SGCZ: variants seen among roughly 807,000 people sequenced by gnomAD.
SGCZ encodes the protein zeta-sarcoglycan.
In SGCZ, 40 loss-of-function variants were observed where a neutral mutation model predicts 41.3. The ratio of observed to expected loss-of-function variants is 0.97; its 90% CI spans 0.75 to 1.26. The LOEUF is 1.26. Among genes scored for constraint, SGCZ ranks in the 50% most tolerant of loss-of-function variants. The probability of loss-of-function intolerance (pLI) is 0.00; values close to 1 mark genes in which losing one functional copy is unlikely to be tolerated. For missense variants in SGCZ, 552 were observed against 369.8 expected (o/e 1.49, Z -4.04); for synonymous variants, 206 against 137.5 (o/e 1.50, Z -3.49).
intron 1 of SGCZ, among the ~76,000 whole-genome samples, chr8:14,746,748 T>C (rs1023380828): frequency 6.6e-6 from 1 of 152,164 alleles, no homozygotes; most frequent in African/African-American, 2.4e-5. Flanking sequence ...AAATGTAAAA[T>C]AGAACATTGG....
intron 2 of SGCZ, among the ~76,000 whole-genome samples, chr8:14,539,865 G>C (rs546475783): frequency 5.4e-4 from 82 of 152,072 alleles, no homozygotes; most frequent in African/African-American, 1.8e-3. Flanking sequence ...CTGGAATGCA[G>C]AGATGTCAGA....
At chr8:14,103,769 C>T (rs1024322956) in intron 6 of SGCZ, among the ~76,000 whole-genome samples, 12 of 151,750 alleles carry the variant, frequency 7.9e-5, no homozygotes, top group African/African-American at 2.4e-4. Context: ...TTTTAAGAAA[C>T]GTCTGTATTT....
At chr8:14,102,248 A>C in intron 7 of SGCZ, 128 bp downstream of exon 7, 1 of 1,083,618 alleles carries the variant, frequency 9.2e-7, no homozygotes, top group East Asian at 3.0e-5. Flanking sequence ...TTACTTTCCT[A>C]AGTTACAACT....
intron 1 of SGCZ, among the ~76,000 whole-genome samples, chr8:14,628,109 A>G (rs1806522793): frequency 6.6e-6 from 1 of 152,064 alleles, no homozygotes; most frequent in African/African-American, 2.4e-5. Context: ...CATGAAATTA[A>G]GATTGCAGGT....
intron 1 of SGCZ, among the ~76,000 whole-genome samples, chr8:14,819,915 C>A (rs915489463): frequency 6.6e-6 from 1 of 151,854 alleles, no homozygotes; most frequent in Non-Finnish European, 1.5e-5. Context: ...AGAAAACCAC[C>A]AAACTACTAA....
At chr8:14,453,268 T>C (rs1468520470) in intron 2 of SGCZ, among the ~76,000 whole-genome samples, 1 of 152,176 alleles carries the variant, frequency 6.6e-6, no homozygotes, top group East Asian at 1.9e-4. Context: ...TCTGAAGCTC[T>C]GTCTAACATT....
At chr8:14,988,912 G>A (rs905031808) in intron 1 of SGCZ, among the ~76,000 whole-genome samples, 1 of 152,096 alleles carries the variant, frequency 6.6e-6, no homozygotes, top group African/African-American at 2.4e-5. Context: ...TTGTGGGGAG[G>A]GGGGGCATTG....
intron 1 of SGCZ, among the ~76,000 whole-genome samples, chr8:14,839,284 C>T (rs748993269): frequency 4.6e-5 from 7 of 152,132 alleles, no homozygotes; most frequent in East Asian, 3.9e-4. Context: ...AAAGTGTTTA[C>T]GCAATGAGTA....
intron 1 of SGCZ, among the ~76,000 whole-genome samples, chr8:14,733,801 T>C (rs534800583): frequency 6.6e-6 from 1 of 152,186 alleles, no homozygotes; most frequent in Non-Finnish European, 1.5e-5. Flanking sequence ...TTTAACTCAG[T>C]TGTAAAAGGT....
At position 14,710,104 on chromosome 8, in the gene SGCZ, C is replaced by T. The variant is rs187381876; in HGVS notation, c.40-155178G>A. On this transcript the variant is annotated intron_variant, in intron 1 of 7. Coordinates refer to ENST00000382080, the MANE Select transcript of SGCZ (RefSeq NM_139167.4). The stretch of plus-strand genomic sequence containing the variant: ...TTAATGGGCCAGGCGCGGTGGCTCA[C>T]GCCTGTAATCCCAGCACTCTGGGAG... Among the ~76,000 whole-genome samples the T allele has an allele frequency of 1.4e-3, 207 of 152,168 alleles. 1 individual carries two copies. The highest frequency in any genetic ancestry group is 6.8e-3 in the Middle Eastern group (2 of 294).
At chr8:14,394,034 T>A (rs984882176) in intron 2 of SGCZ, among the ~76,000 whole-genome samples, 2 of 152,096 alleles carry the variant, frequency 1.3e-5, no homozygotes, top group African/African-American at 2.4e-5. Context: ...TATCCTTAAA[T>A]GATGAGTTTT....
intron 4 of SGCZ, among the ~76,000 whole-genome samples, chr8:14,196,330 C>T (rs542331142): frequency 6.7e-6 from 1 of 150,328 alleles, no homozygotes; most frequent in East Asian, 1.9e-4. Flanking sequence ...ATGGTGTGAT[C>T]TCCTGTCACA....
intron 2 of SGCZ, among the ~76,000 whole-genome samples, chr8:14,428,743 C>T (rs373285465): frequency 6.6e-5 from 10 of 152,298 alleles, no homozygotes; most frequent in African/African-American, 2.2e-4. Flanking sequence ...TCTGGTAGTT[C>T]ATACATAGAG....
At chr8:14,980,164 G>A (rs573462338) in intron 1 of SGCZ, among the ~76,000 whole-genome samples, 1 of 152,276 alleles carries the variant, frequency 6.6e-6, no homozygotes, top group South Asian at 2.1e-4. Context: ...TGTGGTCTAT[G>A]GTGGATGTAA....
Position 14,315,963 on chromosome 8 carries a change from G to T in SGCZ, c.336+8140C>A, listed in dbSNP as rs530988154. Among the ~76,000 whole-genome samples the T allele has an allele frequency of 2.6e-5, 4 of 151,654 alleles. No homozygotes were observed. The South Asian group carries it at 8.3e-4, about 32-fold the overall frequency. ...TATGTCTATGTAAAGGGAAAATTTT[G>T]TACGAATACAAAATGTAACAAAAGC... is the stretch of plus-strand genomic sequence containing the variant. On this transcript the variant is annotated intron_variant, in intron 3 of 7. Transcript: ENST00000382080.
At chr8:14,871,276 C>T (rs1259451731) in intron 1 of SGCZ, among the ~76,000 whole-genome samples, 1 of 152,050 alleles carries the variant, frequency 6.6e-6, no homozygotes, top group Non-Finnish European at 1.5e-5. Context: ...AACCCTTTTA[C>T]ACTGTTGGTG....
chr8:14,775,646 T>G (rs936377335), intron 1 of SGCZ, among the ~76,000 whole-genome samples: 4 of 151,728 alleles, frequency 2.6e-5, no homozygotes, highest in Non-Finnish European at 4.4e-5. Flanking sequence ...GTATATAGAG[T>G]TTGGTTACAT....
At chr8:14,190,541 A>C (rs1490405908) in intron 4 of SGCZ, among the ~76,000 whole-genome samples, 1 of 152,112 alleles carries the variant, frequency 6.6e-6, no homozygotes, top group Non-Finnish European at 1.5e-5. Context: ...TGGAGAATTA[A>C]TTTCCTTTGG....
intron 2 of SGCZ, among the ~76,000 whole-genome samples, chr8:14,439,634 AT>A (rs1324204361): frequency 2.0e-5 from 3 of 152,082 alleles, no homozygotes; most frequent in Non-Finnish European, 2.9e-5. Flanking sequence ...TATTAAAAAA[AT>A]CAATCAATAT....
Sources: allele counts gnomAD v4.1 joint callset (sites outside exome capture counted in the v4.1 genomes callset), GRCh38; gene constraint gnomAD v4.1.1; transcripts MANE v1.5; gene names NCBI Gene and HGNC (gene_info 2026-07-23, HGNC 2026-07-21).